DGKB: variants seen among roughly 807,000 people sequenced by gnomAD.
The protein encoded by DGKB is 90 kDa diacylglycerol kinase.
Under a neutral mutation model 114.3 loss-of-function variants are expected in DGKB, and 67 were observed. That is an observed-to-expected ratio of 0.59 (90% CI 0.48 to 0.72). The LOEUF is 0.72. Ranked by LOEUF, DGKB falls within the 30% of genes least tolerant of loss-of-function variation. The probability of loss-of-function intolerance (pLI) is 0.00; values close to 1 mark genes in which losing one functional copy is unlikely to be tolerated. For missense variants in DGKB, 907 were observed against 975.2 expected (o/e 0.93, Z 0.93); for synonymous variants, 398 against 323.1 (o/e 1.23, Z -2.49).
chr7:14,297,852 C>A (rs1486544765), intron 23 of DGKB, among the ~76,000 whole-genome samples: 1 of 152,150 alleles, frequency 6.6e-6, no homozygotes, highest in Non-Finnish European at 1.5e-5. Flanking sequence ...ACAACTTCAG[C>A]AAAGTCTCAG....
At chr7:14,932,613 G>A (rs968917134) in intron 1 of DGKB, among the ~76,000 whole-genome samples, 1 of 152,088 alleles carries the variant, frequency 6.6e-6, no homozygotes, top group African/African-American at 2.4e-5. Flanking sequence ...ATCAGGTAAG[G>A]CACATTCAAA....
intron 1 of DGKB, among the ~76,000 whole-genome samples, chr7:14,921,957 T>G (rs949472992): frequency 6.6e-6 from 1 of 152,214 alleles, no homozygotes; most frequent in Non-Finnish European, 1.5e-5. Flanking sequence ...GGAGGTATGT[T>G]GCAAACTATT....
intron 12 of DGKB, among the ~76,000 whole-genome samples, chr7:14,681,990 A>G (rs1820915973): frequency 6.6e-6 from 1 of 152,110 alleles, no homozygotes; most frequent in African/African-American, 2.4e-5. Flanking sequence ...ATGCATCAAG[A>G]CCTGAATAAA....
chr7:14,627,835 T>G (rs969808481), intron 14 of DGKB, among the ~76,000 whole-genome samples: 1 of 151,544 alleles, frequency 6.6e-6, no homozygotes, highest in Non-Finnish European at 1.5e-5. Context: ...CCCAGCTACT[T>G]TGGCGGCTGA....
chr7:14,620,092 T>G (rs2128812576), intron 15 of DGKB, among the ~76,000 whole-genome samples: 1 of 151,724 alleles, frequency 6.6e-6, no homozygotes, highest in East Asian at 1.9e-4. Context: ...TTAATTTTTT[T>G]GCTAATAAAA....
At chr7:14,237,500 G>C (rs918110505) in intron 23 of DGKB, among the ~76,000 whole-genome samples, 1 of 151,756 alleles carries the variant, frequency 6.6e-6, no homozygotes, top group Admixed American at 6.6e-5. Flanking sequence ...CACCAAATAG[G>C]CATTAATGTG....
intron 23 of DGKB, among the ~76,000 whole-genome samples, chr7:14,223,800 A>G (rs1790369595): frequency 6.6e-6 from 1 of 151,332 alleles, no homozygotes; most frequent in African/African-American, 2.4e-5. Context: ...TTTTTCTTTC[A>G]GCCCTTTAAA....
chr7:14,906,105 A>G (rs181499270), upstream of DGKB, among the ~76,000 whole-genome samples: 69 of 152,186 alleles, frequency 4.5e-4, 1 homozygote, highest in African/African-American at 1.6e-3. Flanking sequence ...TAATTTCCTG[A>G]GGGGGCTTTC....
chr7:14,484,843 A>G (rs1372242683), intron 20 of DGKB, among the ~76,000 whole-genome samples: 2 of 152,162 alleles, frequency 1.3e-5, no homozygotes, highest in African/African-American at 2.4e-5. Context: ...ATCATTATTT[A>G]TACATGATAT....
intron 23 of DGKB, among the ~76,000 whole-genome samples, chr7:14,302,879 A>G (rs1015674771): frequency 1.3e-4 from 20 of 152,108 alleles, no homozygotes; most frequent in Non-Finnish European, 2.9e-5. Flanking sequence ...TGGGAGGTAT[A>G]CTTTTGGTTT....
At chr7:14,747,579 T>C (rs1833488433) in intron 4 of DGKB, among the ~76,000 whole-genome samples, 1 of 152,104 alleles carries the variant, frequency 6.6e-6, no homozygotes, top group South Asian at 2.1e-4. Flanking sequence ...ACAAGAAAAT[T>C]TCCAAATTTA....
rs1486952108 is a variant in DGKB at position 14,260,087 on chromosome 7, TACACACACACACACACACATGAACAC to T, written c.2122+78402_2122+78427del. On this transcript the variant is annotated intron_variant, in intron 23 of 25. Transcript: ENST00000402815. ...ACACATATACATCCCTACATATGTGTACACACACACACACACACATGAACACACACACACACACACACACACACACA... is the reference window on the plus strand; with the variant it reads ...ACACATATACATCCCTACATATGTGTACACACACACACACACACACACACA... Among the ~76,000 whole-genome samples, 394 of 151,008 alleles carry T rather than the reference TACACACACACACACACACATGAACAC, an allele frequency of 2.6e-3. 1 individual carries two copies. The highest frequency in any genetic ancestry group is 0.02 in the East Asian group (102 of 5,070).
chr7:14,890,537 T>A (rs894512960), intron 1 of DGKB, among the ~76,000 whole-genome samples: 6 of 151,596 alleles, frequency 4.0e-5, no homozygotes, highest in African/African-American at 1.2e-4. Context: ...GAACTGAACC[T>A]GGAAATCATG....
At chr7:14,898,436 G>T (rs1782463932) in intron 1 of DGKB, among the ~76,000 whole-genome samples, 1 of 152,040 alleles carries the variant, frequency 6.6e-6, no homozygotes, top group Non-Finnish European at 1.5e-5. Context: ...TAACCCTGTT[G>T]TCCTTCAGTT....
chr7:14,174,162 A>G (rs375987668), intron 25 of DGKB, among the ~76,000 whole-genome samples: 1 of 152,196 alleles, frequency 6.6e-6, no homozygotes, highest in East Asian at 1.9e-4. Context: ...TCCAGCATGC[A>G]CCGGGGCCAT....
chr7:14,684,458 G>A (rs1430672298), intron 10 of DGKB, among the ~76,000 whole-genome samples: 6 of 151,984 alleles, frequency 3.9e-5, no homozygotes, highest in African/African-American at 1.4e-4. Flanking sequence ...AAATGAAGGG[G>A]TTATAATATC....
At chr7:14,947,030 TAG>T (rs1301569116) in intron 1 of DGKB, among the ~76,000 whole-genome samples, 3 of 151,592 alleles carry the variant, frequency 2.0e-5, no homozygotes, top group Non-Finnish European at 4.4e-5. Flanking sequence ...TTAATTAGCA[TAG>T]AGAGTTTGTT....
chr7:14,277,159 T>G (rs1481351006), intron 23 of DGKB, among the ~76,000 whole-genome samples: 2 of 133,352 alleles, frequency 1.5e-5, no homozygotes, highest in Non-Finnish European at 1.6e-5. Flanking sequence ...GTTCAACTTT[T>G]AAATTTTCTT....
chr7:14,897,514 C>A (rs1381555402), intron 1 of DGKB, among the ~76,000 whole-genome samples: 1 of 151,852 alleles, frequency 6.6e-6, no homozygotes, highest in African/African-American at 2.4e-5. Flanking sequence ...ACACTATTGT[C>A]CCACAAGAGC....
Sources: gnomAD v4.1 joint callset for allele counts (sites outside exome capture counted in the v4.1 genomes callset) on GRCh38, gnomAD v4.1.1 for gene constraint, MANE v1.5 for transcripts, NCBI Gene and HGNC (gene_info 2026-07-23, HGNC 2026-07-21) for gene names.